The following SDK1 variants were observed in gnomAD, a reference collection of about 807,000 sequenced individuals.
The protein encoded by SDK1 is protein sidekick-1.
A neutral mutation model predicts 245.5 loss-of-function variants in SDK1; 157 were observed. The observed-to-expected ratio is 0.64, with a 90% CI of 0.56 to 0.73. The LOEUF (loss-of-function observed/expected upper bound fraction) is 0.73. Among genes scored for constraint, SDK1 ranks in the 30% least tolerant of loss-of-function variants. SDK1 has a pLI of 0.00. For synonymous variants in SDK1, 1,647 were observed against 1,278.5 expected (o/e 1.29, Z -6.15); for missense variants, 3,583 against 3,002.3 (o/e 1.19, Z -4.52).
At chr7:3,908,192 G>A (rs551761493) in intron 5 of SDK1, among the ~76,000 whole-genome samples, 32 of 152,290 alleles carry the variant, frequency 2.1e-4, no homozygotes, top group African/African-American at 7.2e-4. Context: ...AGAATGGGCC[G>A]TGCGCATAAC....
chr7:3,433,135 A>G (rs1386753278), intron 1 of SDK1, among the ~76,000 whole-genome samples: 1 of 152,198 alleles, frequency 6.6e-6, no homozygotes. Context: ...AGTGGATTCT[A>G]AGTGTGACAG....
At chr7:3,491,204 C>G (rs916165234) in intron 1 of SDK1, among the ~76,000 whole-genome samples, 2 of 152,206 alleles carry the variant, frequency 1.3e-5, no homozygotes, top group Non-Finnish European at 2.9e-5. Flanking sequence ...GTTAGGTGCC[C>G]TCTAGGGTGT....
rs151318424 is a variant in SDK1 at position 3,714,694 on chromosome 7, C to G, written c.713+72589C>G. Among the ~76,000 whole-genome samples, 842 of 152,284 alleles carry G rather than the reference C, an allele frequency of 5.5e-3. 7 individuals carry two copies. Among genetic ancestry groups the G allele is most frequent in the African/African-American group, 0.019 (793 of 41,560 alleles). The stretch of plus-strand genomic sequence containing the variant: ...CTGCTGTGTAATTAATTTCAAGACA[C>G]TTATTTTCTCTCAAAAGTGCTTCTA... On this transcript the variant is annotated intron_variant, in intron 4 of 44. Coordinates refer to ENST00000404826, the MANE Select transcript of SDK1 (RefSeq NM_152744.4).
At chr7:4,078,970 G>A (rs35720320) in intron 21 of SDK1, among the ~76,000 whole-genome samples, 1 of 151,908 alleles carries the variant, frequency 6.6e-6, no homozygotes, top group Admixed American at 6.6e-5. Context: ...CGTCGCCTGG[G>A]AGCAGGCGAT....
chr7:3,556,068 A>G (rs1321852359), intron 1 of SDK1, among the ~76,000 whole-genome samples: 1 of 152,240 alleles, frequency 6.6e-6, no homozygotes, highest in Non-Finnish European at 1.5e-5. Context: ...ACTGTTAGGT[A>G]TATATGCCAA....
intron 1 of SDK1, among the ~76,000 whole-genome samples, chr7:3,490,668 T>G (rs756673767): frequency 1.3e-5 from 2 of 152,196 alleles, no homozygotes; most frequent in African/African-American, 2.4e-5. Flanking sequence ...TTGAAATGGT[T>G]GAATGGGTAA....
chr7:3,904,287 G>A (rs1781890249), intron 5 of SDK1, among the ~76,000 whole-genome samples: 1 of 152,192 alleles, frequency 6.6e-6, no homozygotes, highest in African/African-American at 2.4e-5. Flanking sequence ...GCTGTGGGGA[G>A]AGGGGCAATG....
rs534170821 is a variant in SDK1, at chr7:4,202,184, GTC to G, written c.5099-3687_5099-3686del. On this transcript the variant is annotated intron_variant, in intron 35 of 44. Coordinates refer to ENST00000404826, the MANE Select transcript of SDK1 (RefSeq NM_152744.4). Reference sequence around the variant, plus strand: ...TGGCACCGTGATTATTGTGATGCGTGTCTCTCTCTGATGAAACTTGTCTTTCA... The same window carrying G: ...TGGCACCGTGATTATTGTGATGCGTGTCTCTCTGATGAAACTTGTCTTTCA... Among the ~76,000 whole-genome samples the G allele has an allele frequency of 1.4e-4, 22 of 152,258 alleles. No individual in the cohort carries two copies. The South Asian group carries it at 3.7e-3, about 26-fold the overall frequency.
intron 5 of SDK1, among the ~76,000 whole-genome samples, chr7:3,853,382 A>G (rs1583478619): frequency 1.3e-5 from 2 of 152,258 alleles, no homozygotes; most frequent in South Asian, 4.1e-4. Flanking sequence ...TCACAATCCA[A>G]TCTGGCCTGT....
At chr7:3,562,660 A>C (rs1159903787) in intron 1 of SDK1, among the ~76,000 whole-genome samples, 4 of 152,224 alleles carry the variant, frequency 2.6e-5, no homozygotes, top group Non-Finnish European at 5.9e-5. Flanking sequence ...TAAAGTATAC[A>C]TAACATAAAC....
At chr7:3,659,679 T>G (rs775115910) in intron 4 of SDK1, among the ~76,000 whole-genome samples, 10 of 152,186 alleles carry the variant, frequency 6.6e-5, no homozygotes, top group Admixed American at 6.5e-4. Context: ...GGCCATGATC[T>G]GATTGGCTTT....
chr7:3,449,991 C>G (rs915157765), intron 1 of SDK1, among the ~76,000 whole-genome samples: 1 of 152,202 alleles, frequency 6.6e-6, no homozygotes, highest in Admixed American at 6.5e-5. Context: ...GACGAGACTT[C>G]ATGGAAGTGG....
intron 44 of SDK1, among the ~76,000 whole-genome samples, chr7:4,260,794 T>C (rs1787951372): frequency 6.9e-6 from 1 of 144,060 alleles, no homozygotes. Context: ...GAAGATGTGT[T>C]CATCGTCACC....
intron 1 of SDK1, among the ~76,000 whole-genome samples, chr7:3,400,295 A>G (rs1245341819): frequency 6.6e-6 from 1 of 152,152 alleles, no homozygotes; most frequent in Non-Finnish European, 1.5e-5. Flanking sequence ...AGATTGTTGT[A>G]CAGCTTTGGT....
chr7:3,745,536 A>ATGTG (rs3086116), intron 4 of SDK1, among the ~76,000 whole-genome samples: 2 of 151,386 alleles, frequency 1.3e-5, no homozygotes, highest in Admixed American at 6.6e-5. Context: ...CCTCATTTGC[A>ATGTG]TGTGTGTGTG....
chr7:3,413,433 A>G (rs946080808), intron 1 of SDK1, among the ~76,000 whole-genome samples: 1 of 152,210 alleles, frequency 6.6e-6, no homozygotes, highest in African/African-American at 2.4e-5. Flanking sequence ...AGTGGCTCAC[A>G]TCTGTAATCC....
In SDK1 at chr7:3,321,829, C is replaced by CT. The variant is rs1202287354; in HGVS notation, c.298+19946dup. 7.4e-3 allele frequency among the ~76,000 whole-genome samples: 967 copies of CT among 130,736 alleles called. 31 individuals are homozygous for CT. Among genetic ancestry groups the CT allele is most frequent in the African/African-American group, 0.023 (769 of 32,782 alleles). The allele number at this position is 130,736 out of a possible 152,430, so 85.8% of individuals were successfully genotyped here. A position where few individuals can be genotyped will look rare whatever the true frequency, so the allele number is the denominator to read the frequency against. On this transcript the variant is annotated intron_variant, in intron 1 of 44. Coordinates refer to ENST00000404826, the MANE Select transcript of SDK1 (RefSeq NM_152744.4). ...CCTTCCTTCCTTCCTTCCTTCCTTC[C>CT]TCCTTTTCTCTCTCTCTCTCTCTCT...
At chr7:3,768,957 C>T (rs1415971319) in intron 4 of SDK1, among the ~76,000 whole-genome samples, 1 of 152,168 alleles carries the variant, frequency 6.6e-6, no homozygotes, top group Non-Finnish European at 1.5e-5. Flanking sequence ...TGGTCTTGCC[C>T]TGTTAAGACC....
At chr7:3,809,489 G>A (rs1457570936) in intron 4 of SDK1, among the ~76,000 whole-genome samples, 1 of 152,156 alleles carries the variant, frequency 6.6e-6, no homozygotes, top group Non-Finnish European at 1.5e-5. Context: ...GTCTCTGCTG[G>A]GCACAGCTTT....
Sources: allele counts gnomAD v4.1 joint callset (sites outside exome capture counted in the v4.1 genomes callset), GRCh38; gene constraint gnomAD v4.1.1; transcripts MANE v1.5; gene names NCBI Gene and HGNC (gene_info 2026-07-23, HGNC 2026-07-21).